RPS6KC1: variants seen among roughly 807,000 people sequenced by gnomAD.
RPS6KC1 encodes ribosomal protein S6 kinase C1.
RPS6KC1 carries 54 observed loss-of-function variants against 103.8 expected under a neutral mutation model. That is an observed-to-expected ratio of 0.52 (90% CI 0.42 to 0.65). The LOEUF (loss-of-function observed/expected upper bound fraction) is 0.65. RPS6KC1 is among the 30% of genes least tolerant of loss of function. The pLI is 0.00. For synonymous variants in RPS6KC1, 439 were observed against 438.7 expected, an observed-to-expected ratio of 1.00 and a Z score of -0.01; for missense variants, 1,151 against 1,253.8, an observed-to-expected ratio of 0.92 and a Z score of 1.24.
At chr1:213,077,854 A>G in intron 3 of RPS6KC1, 38 bp downstream of exon 3, 5 of 1,301,338 alleles carry the variant, frequency 3.8e-6, no homozygotes, top group Non-Finnish European at 5.2e-6. Flanking sequence ...TAAAAAAATA[A>G]TTAATTTTGT....
At chr1:213,493,598 C>T in the RPS6KC1 span, among the ~76,000 whole-genome samples, 1 of 152,164 alleles carries the variant, frequency 6.6e-6, no homozygotes, top group Non-Finnish European at 1.5e-5. Context: ...TTCCCCTTGC[C>T]TCTGGAGCTT....
At chr1:213,644,340 T>G in the RPS6KC1 span, among the ~76,000 whole-genome samples, 1 of 152,102 alleles carries the variant, frequency 6.6e-6, no homozygotes, top group Non-Finnish European at 1.5e-5. Context: ...GAGGTACATT[T>G]GTTATAATCA....
Position 213,240,782 on chromosome 1 carries a change from C to A in RPS6KC1, c.1306C>A (p.Pro436Thr). ...CTTTGACATCAAGGAAGTGAAAAAA[C>A]CTACACTTGCAAAAGTTCACCTGCA... ...ESFDIKEVKK[P>T]TLAKVHLQQP... Residue 436 changes from proline to threonine, a missense_variant, in exon 11 of 15, where the codon CCT becomes ACT. By Grantham distance (38) the Pro-to-Thr change is conservative. Coordinates refer to ENST00000366960, the MANE Select transcript of RPS6KC1 (RefSeq NM_012424.6). 6.2e-7 allele frequency: 1 copy of A among 1,613,844 alleles called. No individual in the cohort carries two copies. Among genetic ancestry groups the A allele is most frequent in the Non-Finnish European group, 8.5e-7 (1 of 1,179,846 alleles).
At chr1:213,089,369 T>C (rs1042091078) in intron 3 of RPS6KC1, among the ~76,000 whole-genome samples, 1 of 152,222 alleles carries the variant, frequency 6.6e-6, no homozygotes, top group African/African-American at 2.4e-5. Context: ...CAATGGTTCC[T>C]TACTTTTTTT....
intron 12 of RPS6KC1, among the ~76,000 whole-genome samples, chr1:213,248,285 A>G (rs1473095052): frequency 6.6e-6 from 1 of 152,206 alleles, no homozygotes; most frequent in Non-Finnish European, 1.5e-5. Flanking sequence ...TAATATTTAA[A>G]TATTATGTTT....
intron 8 of RPS6KC1, among the ~76,000 whole-genome samples, chr1:213,177,061 G>A (rs2091922322): frequency 6.6e-6 from 1 of 152,094 alleles, no homozygotes; most frequent in Admixed American, 6.5e-5. Flanking sequence ...TGACTCAAAA[G>A]CTGTACTTTT....
At chr1:213,499,626 A>C in the RPS6KC1 span, among the ~76,000 whole-genome samples, 1 of 151,652 alleles carries the variant, frequency 6.6e-6, no homozygotes. Context: ...CTTGCTGCTC[A>C]CCTCCTGCTG....
chr1:213,647,372 A>G, the RPS6KC1 span, among the ~76,000 whole-genome samples: 1 of 152,208 alleles, frequency 6.6e-6, no homozygotes. Flanking sequence ...TTTCACTCCT[A>G]TAAATAAGGT....
At chr1:213,622,219 C>G in the RPS6KC1 span, among the ~76,000 whole-genome samples, 1 of 141,384 alleles carries the variant, frequency 7.1e-6, no homozygotes, top group Non-Finnish European at 1.5e-5. Context: ...TTACCCTGCT[C>G]GGGGACAAGT....
chr1:213,326,273 CAT>C, the RPS6KC1 span, among the ~76,000 whole-genome samples: 3 of 152,132 alleles, frequency 2.0e-5, no homozygotes, highest in Middle Eastern at 3.4e-3. Flanking sequence ...TTAAAGCAAA[CAT>C]AAAAATAAAA....
intron 14 of RPS6KC1, among the ~76,000 whole-genome samples, chr1:213,269,948 C>A (rs747147541): frequency 2.6e-5 from 4 of 151,332 alleles, no homozygotes; most frequent in Non-Finnish European, 5.9e-5. Flanking sequence ...CCAAAGCAAG[C>A]AGAAGAAAGG....
chr1:213,602,062 CTT>C, the RPS6KC1 span, among the ~76,000 whole-genome samples: 11 of 61,224 alleles, frequency 1.8e-4, no homozygotes, highest in African/African-American at 7.5e-4. Flanking sequence ...CTTTCTCTTT[CTT>C]TCTTTCTTTC....
the RPS6KC1 span, among the ~76,000 whole-genome samples, chr1:213,766,468 A>T: frequency 3.3e-5 from 5 of 151,410 alleles, no homozygotes; most frequent in Non-Finnish European, 7.3e-5. Flanking sequence ...ATGAGGGAAC[A>T]CAGGATTTTT....
chr1:213,075,505 T>C (rs2079253182), intron 2 of RPS6KC1, among the ~76,000 whole-genome samples: 1 of 152,210 alleles, frequency 6.6e-6, no homozygotes, highest in Admixed American at 6.5e-5. Flanking sequence ...TAGATCCTGC[T>C]CAGTTTTTGC....
At position 213,241,609 on chromosome 1, in the gene RPS6KC1, T is replaced by G. The variant is rs1422294254; in HGVS notation, c.2133T>G (p.Thr711=). Reference sequence around the variant, plus strand: ...GAGAAGCTGCAGCAATGGGACCTACTAAGTTTACACAAACTAATATAGGGA... The same window carrying G: ...GAGAAGCTGCAGCAATGGGACCTACGAAGTTTACACAAACTAATATAGGGA... The part of the protein sequence containing the change: ...STREAAAMGP[T]KFTQTNIGII... The change falls in exon 11 of 15, where the codon ACT becomes ACG. Residue 711 remains threonine, a synonymous_variant. Coordinates refer to ENST00000366960, the MANE Select transcript of RPS6KC1 (RefSeq NM_012424.6). 2.5e-6 allele frequency: 4 copies of G among 1,613,954 alleles called. No individual in the cohort carries two copies. The highest frequency in any genetic ancestry group is 3.4e-6 in the Non-Finnish European group (4 of 1,179,920).
At chr1:213,242,719 T>C (rs185150346) in intron 12 of RPS6KC1, 61 bp downstream of exon 12, 80 of 1,208,554 alleles carry the variant, frequency 6.6e-5, no homozygotes, top group Admixed American at 2.2e-4. Flanking sequence ...CTCATTTCTT[T>C]ATAGAAGTTG....
At chr1:213,621,238 C>T in the RPS6KC1 span, among the ~76,000 whole-genome samples, 2 of 152,252 alleles carry the variant, frequency 1.3e-5, no homozygotes, top group Admixed American at 6.5e-5. Flanking sequence ...ATGGCATTCC[C>T]CACTAAAAGT....
the RPS6KC1 span, among the ~76,000 whole-genome samples, chr1:213,540,790 C>G: frequency 6.6e-6 from 1 of 150,992 alleles, no homozygotes; most frequent in Non-Finnish European, 1.5e-5. Flanking sequence ...TGGAGTCAAT[C>G]CTCTCAAGCC....
chr1:213,862,187 G>A, the RPS6KC1 span, among the ~76,000 whole-genome samples: 2 of 152,180 alleles, frequency 1.3e-5, no homozygotes, highest in Non-Finnish European at 2.9e-5. Context: ...AGGCCCAGCC[G>A]CGATAAGAAT....
Sources: gnomAD v4.1 joint callset for allele counts (sites outside exome capture counted in the v4.1 genomes callset) on GRCh38, gnomAD v4.1.1 for gene constraint, MANE v1.5 for transcripts, NCBI Gene and HGNC (gene_info 2026-07-23, HGNC 2026-07-21) for gene names.